The following BOD1L1 variants were observed in gnomAD, a reference collection of about 807,000 sequenced individuals.
BOD1L1 encodes biorientation of chromosomes in cell division 1 like 1.
A neutral mutation model predicts 240.7 loss-of-function variants in BOD1L1; 86 were observed. The observed-to-expected ratio is 0.36, with a 90% CI of 0.30 to 0.43. BOD1L1 has a LOEUF of 0.43. BOD1L1 is among the 20% of genes least tolerant of loss of function. The pLI is 1.00. For synonymous variants in BOD1L1, 1,268 were observed against 1,272.3 expected, an observed-to-expected ratio of 1.00 and a Z score of 0.07; for missense variants, 3,554 against 3,643.5, an observed-to-expected ratio of 0.98 and a Z score of 0.63.
chr4:13,621,866 CTTTTT>C (rs144306218), intron 1 of BOD1L1, among the ~76,000 whole-genome samples: 41 of 108,944 alleles, frequency 3.8e-4, no homozygotes, highest in African/African-American at 1.2e-3. Context: ...AAAATTAATT[CTTTTT>C]TTTTTTTTTT....
chr4:13,578,672 G>A (rs1367267425), intron 22 of BOD1L1, among the ~76,000 whole-genome samples: 1 of 151,452 alleles, frequency 6.6e-6, no homozygotes, highest in Non-Finnish European at 1.5e-5. Context: ...GGAGGCCTCT[G>A]AAAGTGCTGA....
At chr4:13,618,902 T>C (rs1317114615) in intron 2 of BOD1L1, among the ~76,000 whole-genome samples, 2 of 151,802 alleles carry the variant, frequency 1.3e-5, no homozygotes, top group African/African-American at 4.8e-5. Context: ...TTCTCAAAGA[T>C]GTACTTGAAC....
chr4:13,626,627 G>A (rs953530379), intron 1 of BOD1L1, among the ~76,000 whole-genome samples: 3 of 152,110 alleles, frequency 2.0e-5, no homozygotes, highest in Non-Finnish European at 4.4e-5. Context: ...TTTCTGGACA[G>A]GGAACCTTGT....
rs1036451773 is a variant in BOD1L1 at position 13,587,880 on chromosome 4, A to T, written c.8281-109T>A. The stretch of plus-strand genomic sequence containing the variant: ...ACCTTTGGAATAAGTTGATATATAA[A>T]TTTTTTAAAAATCTAGAACACTTGG... On this transcript the variant is annotated intron_variant, in intron 15 of 25. Coordinates refer to ENST00000040738, the MANE Select transcript of BOD1L1 (RefSeq NM_148894.3). 12 of 752,160 alleles carry T rather than the reference A, an allele frequency of 1.6e-5. 1 individual carries two copies. In the South Asian group the frequency reaches 1.6e-4, roughly 10 times the overall value. The allele number at this position is 752,160 out of a possible 1,614,324, so 46.6% of individuals were successfully genotyped here.
chr4:13,585,040 C>G (rs958063821), intron 17 of BOD1L1, among the ~76,000 whole-genome samples: 2 of 152,034 alleles, frequency 1.3e-5, no homozygotes, highest in African/African-American at 4.8e-5. Context: ...TAAAAAATCA[C>G]GAAATTTAAG....
At chr4:13,597,480 C>T (rs959099760) in intron 10 of BOD1L1, among the ~76,000 whole-genome samples, 8 of 152,178 alleles carry the variant, frequency 5.3e-5, no homozygotes, top group African/African-American at 1.7e-4. Context: ...CAGTGATCTC[C>T]ATCAAGTTTG....
chr4:13,606,803 G>A (rs961470274), intron 9 of BOD1L1, among the ~76,000 whole-genome samples: 1 of 152,124 alleles, frequency 6.6e-6, no homozygotes, highest in Non-Finnish European at 1.5e-5. Context: ...TTATAGTGGA[G>A]GGATTTTAGA....
At chr4:13,588,616 A>C (rs1713920251) in intron 15 of BOD1L1, 106 bp downstream of exon 15, 2 of 839,950 alleles carry the variant, frequency 2.4e-6, no homozygotes, top group Non-Finnish European at 3.6e-6. Flanking sequence ...ATACCCATTT[A>C]ATATTTAATT....
chr4:13,581,454 G>A (rs1577316921), intron 19 of BOD1L1, among the ~76,000 whole-genome samples: 1 of 152,158 alleles, frequency 6.6e-6, no homozygotes, highest in East Asian at 1.9e-4. Context: ...TTGAGACAAT[G>A]AAGTAATCAA....
intron 21 of BOD1L1, 31 bp from the exon 22 acceptor site, chr4:13,580,004 T>G: frequency 1.4e-6 from 2 of 1,475,658 alleles, no homozygotes; most frequent in East Asian, 4.9e-5. Flanking sequence ...AAAAAAAAAT[T>G]TTAAATCAGC....
At chr4:13,607,013 T>C in intron 9 of BOD1L1, 104 bp downstream of exon 9, 3 of 754,256 alleles carry the variant, frequency 4.0e-6, no homozygotes, top group Non-Finnish European at 6.0e-6. Flanking sequence ...GACTTTTTAT[T>C]TGACTTGAAA....
chr4:13,612,099 GT>G (rs1359292665), intron 5 of BOD1L1, among the ~76,000 whole-genome samples: 1 of 152,100 alleles, frequency 6.6e-6, no homozygotes, highest in Non-Finnish European at 1.5e-5. Context: ...TCCTACACAG[GT>G]AATGCAGAGC....
rs554335673 is a variant in BOD1L1, at chr4:13,613,765, G to A, written c.1175-104C>T. ...ACTTAAAATTTTCTGCTTTAAATAC[G>A]TGTCAAACTATCAAACAAGGCAGAG... On this transcript the variant is annotated intron_variant, in intron 4 of 25. Transcript: ENST00000040738. The surrounding 1 kb of genome is among the most constrained non-coding windows in gnomAD (Gnocchi z 4.0). 2.2e-5 allele frequency: 19 copies of A among 882,816 alleles called. No homozygotes were observed. The highest frequency in any genetic ancestry group is 1.1e-4 in the South Asian group (3 of 28,102). 54.7% of individuals were successfully genotyped at this position (882,816 alleles called of 1,614,324 possible). A position where few individuals can be genotyped will look rare whatever the true frequency, so the allele number is the denominator to read the frequency against.
intron 12 of BOD1L1, among the ~76,000 whole-genome samples, chr4:13,594,740 C>CA (rs1370675198): frequency 2.0e-5 from 3 of 151,932 alleles, no homozygotes; most frequent in Non-Finnish European, 4.4e-5. Context: ...ACTAAAAATA[C>CA]AAAAATTAGC....
At chr4:13,595,716 T>C in intron 12 of BOD1L1, 144 bp downstream of exon 12, 1 of 572,552 alleles carries the variant, frequency 1.7e-6, no homozygotes, top group Non-Finnish European at 3.1e-6. Flanking sequence ...TAGTAAAGAA[T>C]TCTCCCTAAT....
In BOD1L1 at chr4:13,604,114, T is replaced by A. The variant is rs377002074; in HGVS notation, c.2786A>T (p.Gln929Leu). The A allele has an allele frequency of 1.2e-6, 2 of 1,613,612 alleles. No homozygotes were observed. Among genetic ancestry groups the A allele is most frequent in the Non-Finnish European group, 1.7e-6 (2 of 1,179,850 alleles). Residue 929 changes from glutamine (Q) to leucine (L), a missense_variant, in exon 10 of 26, where the codon CAA becomes CTA. This residue lies in a region of BOD1L1 where 3,393 missense variants were observed against 3,427.1 expected (regional missense o/e 0.99). Coordinates refer to ENST00000040738, the MANE Select transcript of BOD1L1 (RefSeq NM_148894.3). Reference sequence around the variant, plus strand: ...GGTTGCCTGTTTTGTGGCACCTTCTTGTAATTCTGTTTCTACAACTTTTAC... The same window carrying A: ...GGTTGCCTGTTTTGTGGCACCTTCTAGTAATTCTGTTTCTACAACTTTTAC... ...KQVKVVETEL[Q>L]EGATKQATTP...
At chr4:13,597,505 C>G (rs1023485420) in intron 10 of BOD1L1, among the ~76,000 whole-genome samples, 1 of 152,180 alleles carries the variant, frequency 6.6e-6, no homozygotes, top group Non-Finnish European at 1.5e-5. Context: ...TAAAAATATT[C>G]TGAGTCACTA....
chr4:13,604,377 T>A lies in BOD1L1; in HGVS notation c.2523A>T (p.Lys841Asn). Residue 841 changes from lysine (K) to asparagine (N), a missense_variant, in exon 10 of 26, where the codon AAA (lysine) becomes AAT (asparagine). Physicochemically the swap from Lys to Asn is moderately conservative, Grantham distance 94 (BLOSUM62 0). Transcript: ENST00000040738. ...LSAEKTKAEH[K>N]SRRSSDSKIQ... The stretch of plus-strand genomic sequence containing the variant: ...TTTTAGAATCACTTGACCTTCTTGA[T>A]TTGTGCTCTGCCTTAGTTTTTTCAG... The A allele has an allele frequency of 6.3e-7, 1 of 1,581,878 alleles. No individual in the cohort carries two copies. The highest frequency in any genetic ancestry group is 8.5e-7 in the Non-Finnish European group (1 of 1,171,402).
chr4:13,620,934 A>AG (rs1421591653), intron 1 of BOD1L1, among the ~76,000 whole-genome samples: 1 of 152,170 alleles, frequency 6.6e-6, no homozygotes, highest in Non-Finnish European at 1.5e-5. Flanking sequence ...ACGCTTGGCA[A>AG]TGTCTGGAGA....
Sources: gnomAD v4.1 joint callset for allele counts (sites outside exome capture counted in the v4.1 genomes callset) on GRCh38, gnomAD v4.1.1 for gene constraint, gnomAD v4.1.1 regional missense constraint, Gnocchi (gnomAD v3.1) non-coding constraint, MANE v1.5 for transcripts, NCBI Gene and HGNC (gene_info 2026-07-23, HGNC 2026-07-21) for gene names.